KAZN: variants seen among roughly 807,000 people sequenced by gnomAD.
KAZN encodes kazrin.
In KAZN, 40 loss-of-function variants were observed where a neutral mutation model predicts 87.4. The ratio of observed to expected loss-of-function variants is 0.46; its 90% CI spans 0.36 to 0.60. The LOEUF is 0.60. Among genes scored for constraint, KAZN ranks in the 20% least tolerant of loss-of-function variants. The probability of loss-of-function intolerance (pLI) is 0.00; values close to 1 mark genes in which losing one functional copy is unlikely to be tolerated. For synonymous variants in KAZN, 466 were observed against 458.3 expected, an observed-to-expected ratio of 1.02 and a Z score of -0.22; for missense variants, 898 against 1,073.9, an observed-to-expected ratio of 0.84 and a Z score of 2.29.
At chr1:15,082,181 T>C (rs1351726228) in intron 8 of KAZN, among the ~76,000 whole-genome samples, 1 of 151,952 alleles carries the variant, frequency 6.6e-6, no homozygotes, top group African/African-American at 2.4e-5. Flanking sequence ...CTATCTGAGG[T>C]CTGAGACCCT....
intron 8 of KAZN, among the ~76,000 whole-genome samples, chr1:15,076,440 G>A (rs926320135): frequency 4.6e-5 from 7 of 152,174 alleles, no homozygotes; most frequent in South Asian, 2.1e-4. Flanking sequence ...GTGCAACACC[G>A]AGTCCCTTTG....
intron 11 of KAZN, among the ~76,000 whole-genome samples, chr1:15,102,317 G>A (rs953330323): frequency 5.3e-5 from 8 of 152,114 alleles, no homozygotes; most frequent in Admixed American, 1.3e-4. Context: ...AGATAGCAAC[G>A]ACTAAATTGA....
intron 1 of KAZN, among the ~76,000 whole-genome samples, chr1:13,944,547 A>G (rs1417855437): frequency 1.3e-5 from 2 of 152,234 alleles, no homozygotes; most frequent in Non-Finnish European, 2.9e-5. Context: ...AGTTGTTTCA[A>G]ATGTATGTAG....
chr1:14,247,310 AT>A (rs1010544277), intron 2 of KAZN, among the ~76,000 whole-genome samples: 3 of 152,212 alleles, frequency 2.0e-5, no homozygotes, highest in African/African-American at 7.2e-5. Context: ...AAAACAAGCT[AT>A]CTGGGGGACA....
chr1:14,917,391 C>G (rs557966820), intron 1 of KAZN, among the ~76,000 whole-genome samples: 1 of 152,270 alleles, frequency 6.6e-6, no homozygotes, highest in African/African-American at 2.4e-5. Flanking sequence ...AAAGGGCTTC[C>G]AAGTCACTTT....
chr1:15,068,496 G>A (rs550801736), intron 8 of KAZN, among the ~76,000 whole-genome samples: 1 of 152,070 alleles, frequency 6.6e-6, no homozygotes, highest in African/African-American at 2.4e-5. Context: ...CCTTCCAGAG[G>A]CCCCAAAGGA....
At chr1:14,398,751 C>G (rs779447661) in intron 2 of KAZN, among the ~76,000 whole-genome samples, 3 of 152,164 alleles carry the variant, frequency 2.0e-5, no homozygotes, top group Non-Finnish European at 1.5e-5. Flanking sequence ...TTCTCCTACA[C>G]GGAACTGATG....
At chr1:14,644,775 T>C (rs1397173634) in intron 1 of KAZN, among the ~76,000 whole-genome samples, 4 of 152,252 alleles carry the variant, frequency 2.6e-5, no homozygotes, top group Admixed American at 6.5e-5. Flanking sequence ...ACCCTGTTGA[T>C]AGTTTCTTTT....
At chr1:14,939,728 C>G (rs1286721571) in intron 1 of KAZN, among the ~76,000 whole-genome samples, 1 of 152,188 alleles carries the variant, frequency 6.6e-6, no homozygotes, top group Non-Finnish European at 1.5e-5. Context: ...GTGACAGTGA[C>G]TGAGCTTTGA....
chr1:14,421,867 C>T (rs1056494315), intron 2 of KAZN, among the ~76,000 whole-genome samples: 3 of 152,072 alleles, frequency 2.0e-5, no homozygotes, highest in Non-Finnish European at 2.9e-5. Flanking sequence ...ACACTGGGTC[C>T]TGGGGAAACT....
intron 1 of KAZN, among the ~76,000 whole-genome samples, chr1:14,917,280 C>T (rs58146468): frequency 0.016 from 2,406 of 152,266 alleles, 54 homozygotes; most frequent in African/African-American, 0.055. Context: ...TCCCGATGCA[C>T]CTGGGGTCCC....
chr1:14,542,874 T>C (rs1055688871), intron 2 of KAZN, among the ~76,000 whole-genome samples: 6 of 151,472 alleles, frequency 4.0e-5, no homozygotes, highest in Non-Finnish European at 8.8e-5. Context: ...ACGACTCTAA[T>C]GGGAGCTGCT....
chr1:14,514,042 C>G (rs979553596), intron 2 of KAZN, among the ~76,000 whole-genome samples: 2 of 151,120 alleles, frequency 1.3e-5, no homozygotes, highest in African/African-American at 4.9e-5. Context: ...TTTTTTAGGC[C>G]GGGCGTGGTG....
intron 1 of KAZN, among the ~76,000 whole-genome samples, chr1:14,694,274 T>C (rs932909110): frequency 3.3e-5 from 5 of 152,178 alleles, no homozygotes; most frequent in Admixed American, 2.6e-4. Context: ...CATCTGTCAC[T>C]GGCCAAGGAA....
chr1:14,698,681 C>T (rs1306226461), intron 1 of KAZN, among the ~76,000 whole-genome samples: 1 of 152,234 alleles, frequency 6.6e-6, no homozygotes, highest in African/African-American at 2.4e-5. Context: ...TGTGTAACGT[C>T]TACCTCTGCT....
At chr1:14,895,204 A>C (rs956816995) in intron 1 of KAZN, among the ~76,000 whole-genome samples, 3 of 152,218 alleles carry the variant, frequency 2.0e-5, no homozygotes, top group African/African-American at 7.2e-5. Flanking sequence ...CCAGCCCCAG[A>C]ATCTCAGCTG....
chr1:14,244,570 G>A (rs773884779), intron 2 of KAZN, among the ~76,000 whole-genome samples: 4 of 152,082 alleles, frequency 2.6e-5, no homozygotes, highest in Non-Finnish European at 5.9e-5. Context: ...TGCATCCTAC[G>A]GACTACATAG....
chr1:14,804,962 T>G (rs1004226603), intron 1 of KAZN, among the ~76,000 whole-genome samples: 2 of 152,194 alleles, frequency 1.3e-5, no homozygotes, highest in African/African-American at 4.8e-5. Context: ...TTGTTGACAT[T>G]TAATTATTTT....
At chr1:14,133,042 G>T (rs770590303) in intron 1 of KAZN, among the ~76,000 whole-genome samples, 7 of 152,154 alleles carry the variant, frequency 4.6e-5, no homozygotes, top group Non-Finnish European at 1.0e-4. Context: ...TGTGACCCTT[G>T]AAGTCTACTT....
Sources: gnomAD v4.1 joint callset for allele counts (sites outside exome capture counted in the v4.1 genomes callset) on GRCh38, gnomAD v4.1.1 for gene constraint, MANE v1.5 for transcripts, NCBI Gene and HGNC (gene_info 2026-07-23, HGNC 2026-07-21) for gene names.